KCNIP4: variants seen among roughly 807,000 people sequenced by gnomAD.
The protein encoded by KCNIP4 is Kv channel-interacting protein 4.
KCNIP4 carries 12 observed loss-of-function variants against 34.0 expected under a neutral mutation model. The ratio of observed to expected loss-of-function variants is 0.35; its 90% confidence interval spans 0.23 to 0.57. The LOEUF is 0.57. KCNIP4 is among the 20% of genes least tolerant of loss of function. The pLI, the probability that KCNIP4 is intolerant of heterozygous loss-of-function variation, is 0.83. For synonymous variants in KCNIP4, 124 were observed against 102.2 expected, an observed-to-expected ratio of 1.21 and a Z score of -1.29; for missense variants, 238 against 311.7, an observed-to-expected ratio of 0.76 and a Z score of 1.78.
intron 1 of KCNIP4, among the ~76,000 whole-genome samples, chr4:20,987,716 T>C (rs186398595): frequency 5.2e-4 from 79 of 152,122 alleles, no homozygotes; most frequent in Non-Finnish European, 8.7e-4. Flanking sequence ...TTTATAGATA[T>C]TGGCCGGGCG....
At chr4:21,762,223 T>C (rs1718106670) in intron 1 of KCNIP4, among the ~76,000 whole-genome samples, 1 of 152,122 alleles carries the variant, frequency 6.6e-6, no homozygotes, top group African/African-American at 2.4e-5. Flanking sequence ...TTCAACTCAA[T>C]ATATTCAAAA....
chr4:21,797,867 A>C (rs769970687), intron 1 of KCNIP4, among the ~76,000 whole-genome samples: 11 of 152,176 alleles, frequency 7.2e-5, no homozygotes, highest in Non-Finnish European at 1.6e-4. Flanking sequence ...ACACTCTGGT[A>C]AGGTTCCCAT....
rs1050667431 is a variant in KCNIP4 at position 21,534,721 on chromosome 4, C to T, written c.61+413850G>A. Among the ~76,000 whole-genome samples the T allele has an allele frequency of 1.6e-4, 24 of 152,220 alleles. 1 individual carries two copies. The highest frequency in any genetic ancestry group is 5.8e-4 in the African/African-American group (24 of 41,532). ...AATGACTGCCTGTAGGACACATCTT[C>T]CCAGAGCACACACCCTGGCAGATCA... On this transcript the variant is annotated intron_variant, in intron 1 of 8. Transcript: ENST00000382152.
intron 1 of KCNIP4, among the ~76,000 whole-genome samples, chr4:21,086,715 A>G (rs1246294183): frequency 4.6e-5 from 7 of 152,192 alleles, no homozygotes; most frequent in Middle Eastern, 3.4e-3. Context: ...TATCTATGCT[A>G]TAGATCTTCT....
chr4:21,144,669 C>A (rs1483325903), intron 1 of KCNIP4, among the ~76,000 whole-genome samples: 1 of 152,200 alleles, frequency 6.6e-6, no homozygotes, highest in Non-Finnish European at 1.5e-5. Context: ...GGCTCATCTC[C>A]TTTCACCCTA....
chr4:21,481,495 A>C (rs1157220958), intron 1 of KCNIP4, among the ~76,000 whole-genome samples: 1 of 152,124 alleles, frequency 6.6e-6, no homozygotes, highest in Non-Finnish European at 1.5e-5. Flanking sequence ...GTGGCTTGGG[A>C]TCTCTCATAG....
At chr4:21,035,923 T>C (rs920624405) in intron 1 of KCNIP4, among the ~76,000 whole-genome samples, 4 of 152,192 alleles carry the variant, frequency 2.6e-5, no homozygotes, top group African/African-American at 9.6e-5. Flanking sequence ...TCTAGCCAGA[T>C]TGATTAGTTG....
At chr4:21,168,217 A>T (rs894460282) in intron 1 of KCNIP4, among the ~76,000 whole-genome samples, 1 of 152,142 alleles carries the variant, frequency 6.6e-6, no homozygotes, top group Non-Finnish European at 1.5e-5. Context: ...CGTTGCCTTT[A>T]CCCCAGGCTT....
chr4:21,881,774 C>CA (rs1726476848), intron 1 of KCNIP4, among the ~76,000 whole-genome samples: 1 of 152,114 alleles, frequency 6.6e-6, no homozygotes, highest in African/African-American at 2.4e-5. Context: ...TTGTTAATGA[C>CA]AGTTTCCCAA....
At chr4:20,874,556 C>G (rs192427803) in intron 2 of KCNIP4, among the ~76,000 whole-genome samples, 3 of 152,162 alleles carry the variant, frequency 2.0e-5, no homozygotes, top group Admixed American at 2.0e-4. Flanking sequence ...TCTAGCTTTC[C>G]TATACTAAAA....
At chr4:20,846,935 A>G (rs927848672) in intron 3 of KCNIP4, among the ~76,000 whole-genome samples, 3 of 152,194 alleles carry the variant, frequency 2.0e-5, no homozygotes, top group Non-Finnish European at 4.4e-5. Flanking sequence ...ACTATTTTTA[A>G]TTTGTAAAGC....
At position 21,422,635 on chromosome 4, in the gene KCNIP4, G is replaced by T. The variant is rs138342312; in HGVS notation, c.61+525936C>A. ...ATGGTCACAACATTGAAGTAGTTGGGGGAAACATCGTTTATGTGTGTGTTT... is the reference window on the plus strand; with the variant it reads ...ATGGTCACAACATTGAAGTAGTTGGTGGAAACATCGTTTATGTGTGTGTTT... On this transcript the variant is annotated intron_variant, in intron 1 of 8. Transcript: ENST00000382152. Among the ~76,000 whole-genome samples, 315 of 150,288 alleles carry T rather than the reference G, an allele frequency of 2.1e-3. 1 individual carries two copies. The highest frequency in any genetic ancestry group is 7.4e-3 in the African/African-American group (301 of 40,732).
At chr4:21,442,172 T>C (rs1727538980) in intron 1 of KCNIP4, among the ~76,000 whole-genome samples, 1 of 152,162 alleles carries the variant, frequency 6.6e-6, no homozygotes, top group Non-Finnish European at 1.5e-5. Flanking sequence ...AGTGAAAGCT[T>C]ATTGAGTTAG....
intron 2 of KCNIP4, among the ~76,000 whole-genome samples, chr4:20,863,939 T>A (rs1003259849): frequency 4.0e-5 from 6 of 151,852 alleles, no homozygotes; most frequent in African/African-American, 1.5e-4. Context: ...CATGAGTGTA[T>A]ATGTATATAT....
At chr4:21,795,250 G>A (rs1324961316) in intron 1 of KCNIP4, among the ~76,000 whole-genome samples, 1 of 152,214 alleles carries the variant, frequency 6.6e-6, no homozygotes, top group Non-Finnish European at 1.5e-5. Flanking sequence ...GAAAGGCAGT[G>A]TGAGGATGTG....
chr4:20,796,568 T>C (rs1713492470), intron 3 of KCNIP4, among the ~76,000 whole-genome samples: 1 of 151,460 alleles, frequency 6.6e-6, no homozygotes, highest in Non-Finnish European at 1.5e-5. Context: ...CATTTATCTA[T>C]ACATGCCTTT....
intron 1 of KCNIP4, among the ~76,000 whole-genome samples, chr4:21,085,318 C>A (rs1034382338): frequency 6.6e-6 from 1 of 152,040 alleles, no homozygotes; most frequent in African/African-American, 2.4e-5. Flanking sequence ...ATTGGCACCC[C>A]GATCTCACAC....
At chr4:21,530,143 T>A (rs1736557095) in intron 1 of KCNIP4, among the ~76,000 whole-genome samples, 2 of 152,130 alleles carry the variant, frequency 1.3e-5, no homozygotes. Flanking sequence ...AAAGGGCAAG[T>A]TTCTTAACCT....
rs1735072342 is a variant in KCNIP4 at position 21,519,367 on chromosome 4, C to CGTATATGTATGTGTATATAT, written c.61+429203_61+429204insATATATACACATACATATAC. Among the ~76,000 whole-genome samples, 6 of 131,964 alleles carry CGTATATGTATGTGTATATAT rather than the reference C, an allele frequency of 4.5e-5. No homozygotes were observed. The South Asian group carries it at 7.6e-4, about 17-fold the overall frequency. The allele number at this position is 131,964 out of a possible 152,430, so 86.6% of individuals were successfully genotyped here. A position where few individuals can be genotyped will look rare whatever the true frequency, so the allele number is the denominator to read the frequency against. ...ATACACACACACACACACACACACA[C>CGTATATGTATGTGTATATAT]ACACACGTATATGTATGTGTATATA... On this transcript the variant is annotated intron_variant, in intron 1 of 8. Transcript: ENST00000382152.
Sources: allele counts gnomAD v4.1 joint callset (sites outside exome capture counted in the v4.1 genomes callset), GRCh38; gene constraint gnomAD v4.1.1; transcripts MANE v1.5; gene names NCBI Gene and HGNC (gene_info 2026-07-23, HGNC 2026-07-21).